Variants in RNF150 observed in about 807,000 individuals in gnomAD.
RNF150 encodes the protein ring finger protein 150.
A neutral mutation model predicts 39.3 loss-of-function variants in RNF150; 24 were observed. The ratio of observed to expected loss-of-function variants is 0.61; its 90% confidence interval spans 0.44 to 0.86. The LOEUF (loss-of-function observed/expected upper bound fraction) is 0.86. Among genes scored for constraint, RNF150 ranks in the 40% least tolerant of loss-of-function variants. The pLI is 0.00. For missense variants in RNF150, 502 were observed against 587.8 expected, an observed-to-expected ratio of 0.85 and a Z score of 1.51; for synonymous variants, 255 against 227.3, an observed-to-expected ratio of 1.12 and a Z score of -1.10.
chr4:140,962,901 A>C (rs976665228), intron 2 of RNF150, among the ~76,000 whole-genome samples: 1 of 151,988 alleles, frequency 6.6e-6, no homozygotes, highest in Non-Finnish European at 1.5e-5. Context: ...GTTTTTGAAA[A>C]TTATTTAATG....
At chr4:141,105,522 C>G (rs1166879201) in intron 1 of RNF150, among the ~76,000 whole-genome samples, 8 of 152,176 alleles carry the variant, frequency 5.3e-5, no homozygotes. Flanking sequence ...CAAATGCTCT[C>G]CCCTGCCCAG....
At chr4:141,103,046 C>A (rs555910387) in intron 1 of RNF150, among the ~76,000 whole-genome samples, 1 of 152,282 alleles carries the variant, frequency 6.6e-6, no homozygotes, top group Non-Finnish European at 1.5e-5. Context: ...GACTCACCAT[C>A]CCCTGTGGTT....
intron 1 of RNF150, among the ~76,000 whole-genome samples, chr4:141,160,536 G>T (rs963327058): frequency 1.3e-5 from 2 of 152,272 alleles, no homozygotes; most frequent in African/African-American, 4.8e-5. Flanking sequence ...ATTTATCAAT[G>T]ATATGGTTTG....
intron 5 of RNF150, among the ~76,000 whole-genome samples, chr4:140,917,726 A>T: frequency 6.6e-6 from 1 of 151,958 alleles, no homozygotes; most frequent in South Asian, 2.1e-4. Context: ...CCCCAAATCA[A>T]CAGAATATAC....
intron 1 of RNF150, among the ~76,000 whole-genome samples, chr4:141,007,014 C>G (rs751282180): frequency 6.6e-6 from 1 of 152,170 alleles, no homozygotes; most frequent in East Asian, 1.9e-4. Flanking sequence ...CTGTACTAGG[C>G]TAGCTCCTAA....
intron 1 of RNF150, among the ~76,000 whole-genome samples, chr4:141,179,737 T>C (rs1578783413): frequency 6.6e-6 from 1 of 152,190 alleles, no homozygotes; most frequent in African/African-American, 2.4e-5. Flanking sequence ...CCTTATGCTA[T>C]ACCATGTCGC....
At chr4:140,911,089 T>G (rs779116563) in intron 6 of RNF150, 55 bp downstream of exon 6, 2 of 1,419,934 alleles carry the variant, frequency 1.4e-6, no homozygotes, top group East Asian at 4.6e-5. Context: ...TTTTTCCAAT[T>G]CCTACAAGGC....
At chr4:141,099,701 A>G (rs750709930) in intron 1 of RNF150, among the ~76,000 whole-genome samples, 2 of 152,098 alleles carry the variant, frequency 1.3e-5, no homozygotes, top group Non-Finnish European at 2.9e-5. Context: ...GAGATTAGAG[A>G]TGTCAGTCTG....
intron 1 of RNF150, among the ~76,000 whole-genome samples, chr4:141,053,347 C>A (rs1217239236): frequency 1.3e-5 from 2 of 151,742 alleles, no homozygotes; most frequent in Non-Finnish European, 2.9e-5. Flanking sequence ...TTAAACCAAC[C>A]CAAGGACATG....
chr4:141,041,885 C>A (rs867824321), intron 1 of RNF150, among the ~76,000 whole-genome samples: 20 of 151,994 alleles, frequency 1.3e-4, no homozygotes, highest in African/African-American at 4.8e-4. Flanking sequence ...ATTGTGAGTA[C>A]ATCTTATTTT....
At chr4:141,072,771 C>T (rs1284078491) in intron 1 of RNF150, among the ~76,000 whole-genome samples, 1 of 152,000 alleles carries the variant, frequency 6.6e-6, no homozygotes, top group African/African-American at 2.4e-5. Context: ...CTTGATGCAC[C>T]ACTATAATTT....
intron 1 of RNF150, among the ~76,000 whole-genome samples, chr4:141,111,842 AAG>A (rs1418420795): frequency 1.3e-5 from 2 of 152,206 alleles, no homozygotes; most frequent in Non-Finnish European, 2.9e-5. Context: ...TAATAATAAT[AAG>A]AGTGTCGTGC....
At chr4:141,188,493 G>A (rs183760529) in intron 1 of RNF150, among the ~76,000 whole-genome samples, 36 of 152,222 alleles carry the variant, frequency 2.4e-4, no homozygotes, top group Admixed American at 1.1e-3. Flanking sequence ...CCAACCAATC[G>A]TAGGCTTGAT....
chr4:141,115,609 G>A (rs1739526825), intron 1 of RNF150, among the ~76,000 whole-genome samples: 1 of 152,086 alleles, frequency 6.6e-6, no homozygotes, highest in Non-Finnish European at 1.5e-5. Context: ...AGCTACCACT[G>A]ACTTTCTTCA....
intron 1 of RNF150, among the ~76,000 whole-genome samples, chr4:141,210,520 G>A (rs1728446168): frequency 6.6e-6 from 1 of 151,010 alleles, no homozygotes; most frequent in Non-Finnish European, 1.5e-5. Flanking sequence ...GGGTAGTGGT[G>A]ATAAGAGATT....
intron 1 of RNF150, among the ~76,000 whole-genome samples, chr4:141,143,609 T>A (rs762185796): frequency 3.3e-5 from 5 of 152,220 alleles, no homozygotes; most frequent in Non-Finnish European, 7.4e-5. Flanking sequence ...AGTGGACTTC[T>A]TAAAACGTAA....
At chr4:141,016,413 A>ACCCAT (rs1285638566) in intron 1 of RNF150, among the ~76,000 whole-genome samples, 1 of 152,060 alleles carries the variant, frequency 6.6e-6, no homozygotes, top group African/African-American at 2.4e-5. Context: ...ATTGTGAATC[A>ACCCAT]CCCATCTTTT....
At chr4:141,032,047 CAT>C (rs779408012) in intron 1 of RNF150, among the ~76,000 whole-genome samples, 4 of 151,226 alleles carry the variant, frequency 2.6e-5, no homozygotes, top group African/African-American at 7.3e-5. Flanking sequence ...TATATATAAA[CAT>C]ATATATACAC....
chr4:141,200,708 C>CA (rs764477934), intron 1 of RNF150, among the ~76,000 whole-genome samples: 14 of 151,912 alleles, frequency 9.2e-5, no homozygotes, highest in Non-Finnish European at 1.9e-4. Flanking sequence ...GGCTCTTCTG[C>CA]AAAAAAATGT....
Sources: gnomAD v4.1 joint callset for allele counts (sites outside exome capture counted in the v4.1 genomes callset) on GRCh38, gnomAD v4.1.1 for gene constraint, MANE v1.5 for transcripts, NCBI Gene and HGNC (gene_info 2026-07-23, HGNC 2026-07-21) for gene names.